TMEM178B: variants seen among roughly 807,000 people sequenced by gnomAD.
TMEM178B encodes the protein transmembrane protein 178B.
In TMEM178B, 5 loss-of-function variants were observed where a neutral mutation model predicts 31.0. That is an observed-to-expected ratio of 0.16 (90% CI 0.08 to 0.34). TMEM178B has a LOEUF of 0.34. TMEM178B is among the 10% of genes least tolerant of loss of function. The probability of loss-of-function intolerance (pLI) is 1.00; values close to 1 mark genes in which losing one functional copy is unlikely to be tolerated. For missense variants in TMEM178B, 275 were observed against 400.3 expected (o/e 0.69, Z 2.67); for synonymous variants, 164 against 164.0 (o/e 1.00, Z 0.00).
intron 1 of TMEM178B, among the ~76,000 whole-genome samples, chr7:141,169,406 T>C (rs1036483761): frequency 2.0e-5 from 3 of 152,266 alleles, no homozygotes; most frequent in Non-Finnish European, 2.9e-5. Flanking sequence ...TAGTATTCCA[T>C]GGTGCATATG....
chr7:141,278,411 G>A (rs1266452911), intron 2 of TMEM178B, among the ~76,000 whole-genome samples: 3 of 152,054 alleles, frequency 2.0e-5, no homozygotes, highest in African/African-American at 4.8e-5. Flanking sequence ...GTGAAACCCT[G>A]TCTCTACTAA....
At chr7:141,332,895 G>T (rs1454897760) in intron 2 of TMEM178B, among the ~76,000 whole-genome samples, 1 of 152,236 alleles carries the variant, frequency 6.6e-6, no homozygotes, top group Admixed American at 6.5e-5. Context: ...GTGCTTTGCT[G>T]TTCATTTCCT....
At chr7:141,368,008 G>A (rs958500675) in intron 2 of TMEM178B, among the ~76,000 whole-genome samples, 2 of 152,170 alleles carry the variant, frequency 1.3e-5, no homozygotes, top group African/African-American at 2.4e-5. Flanking sequence ...TTCTGGAAGA[G>A]CAGGCACATG....
intron 2 of TMEM178B, among the ~76,000 whole-genome samples, chr7:141,225,477 C>T (rs1270888841): frequency 6.6e-6 from 1 of 151,964 alleles, no homozygotes; most frequent in East Asian, 1.9e-4. Context: ...ACTTCATTGA[C>T]ATTATGAGTT....
At chr7:141,446,598 T>A (rs996364770) in intron 3 of TMEM178B, among the ~76,000 whole-genome samples, 3 of 152,154 alleles carry the variant, frequency 2.0e-5, no homozygotes, top group African/African-American at 7.2e-5. Context: ...CCTAGTTAAG[T>A]GGAATCACCC....
chr7:141,102,137 A>C (rs1273571570), intron 1 of TMEM178B, among the ~76,000 whole-genome samples: 1 of 152,134 alleles, frequency 6.6e-6, no homozygotes, highest in African/African-American at 2.4e-5. Flanking sequence ...TGCAATGCAG[A>C]GATTTTGTAA....
intron 2 of TMEM178B, among the ~76,000 whole-genome samples, chr7:141,341,512 C>T (rs567719588): frequency 2.0e-5 from 3 of 152,286 alleles, no homozygotes; most frequent in African/African-American, 7.2e-5. Flanking sequence ...TCTCTCATTT[C>T]TCTCTGAGAA....
intron 1 of TMEM178B, among the ~76,000 whole-genome samples, chr7:141,121,115 C>T (rs1040384539): frequency 3.9e-5 from 6 of 152,010 alleles, no homozygotes; most frequent in Non-Finnish European, 5.9e-5. Flanking sequence ...CTTAATATTA[C>T]TGTATCACTA....
chr7:141,155,445 A>G (rs980679462), intron 1 of TMEM178B, among the ~76,000 whole-genome samples: 4 of 152,166 alleles, frequency 2.6e-5, no homozygotes, highest in African/African-American at 9.7e-5. Flanking sequence ...CATGGTCTAA[A>G]TACACCCACC....
chr7:141,114,243 A>T (rs1795281191), intron 1 of TMEM178B, among the ~76,000 whole-genome samples: 1 of 152,230 alleles, frequency 6.6e-6, no homozygotes, highest in African/African-American at 2.4e-5. Flanking sequence ...TTGTACTCTG[A>T]TCATTGCTGG....
chr7:141,488,285 T>C, the TMEM178B span, among the ~76,000 whole-genome samples: 1 of 152,326 alleles, frequency 6.6e-6, no homozygotes, highest in Admixed American at 6.5e-5. Context: ...GAGGTCTGCC[T>C]TTTAATATAA....
rs531523019 is a variant in TMEM178B at position 141,310,621 on chromosome 7, T to C, written c.496+97917T>C. 1.3e-4 allele frequency among the ~76,000 whole-genome samples: 20 copies of C among 152,178 alleles called. No individual in the cohort carries two copies. In the South Asian group the frequency reaches 4.2e-3, roughly 32 times the overall value. ...GCCCTGGTGTGTGATGTTCCCTTCC[T>C]GGAACGGTGATTATTAAGAAGTTAA... On this transcript the variant is annotated intron_variant, in intron 2 of 3. Coordinates refer to ENST00000565468, the MANE Select transcript of TMEM178B (RefSeq NM_001195278.2).
At chr7:141,204,742 A>G (rs1796935108) in intron 1 of TMEM178B, among the ~76,000 whole-genome samples, 1 of 152,206 alleles carries the variant, frequency 6.6e-6, no homozygotes, top group Non-Finnish European at 1.5e-5. Context: ...AGGCCTTGAT[A>G]TCTATTTTTC....
In TMEM178B at chr7:141,422,047, TC is replaced by T. The variant is rs1452011643; in HGVS notation, c.497-15558del. ...ATATTTAGTTTACATCTTCTCCCTT[TC>T]CCAGCTCGGGCTTGACATTTTCTTA... On this transcript the variant is annotated intron_variant, in intron 2 of 3. Transcript: ENST00000565468. This position sits in a 1 kb window ranked among gnomAD's most constrained non-coding sequence, Gnocchi z 4.2. Among the ~76,000 whole-genome samples, 2 of 152,218 alleles carry T rather than the reference TC, an allele frequency of 1.3e-5. No individual in the cohort carries two copies. Among genetic ancestry groups the T allele is most frequent in the East Asian group, 1.9e-4 (1 of 5,196 alleles).
chr7:141,492,596 C>T, the TMEM178B span, among the ~76,000 whole-genome samples: 15 of 152,166 alleles, frequency 9.9e-5, no homozygotes, highest in African/African-American at 2.7e-4. Context: ...CCGCTAAAGG[C>T]GAGTTTCCGT....
At position 141,074,088 on chromosome 7, in the gene TMEM178B, G is replaced by A. The variant is rs970097991; in HGVS notation, c.-223G>A. On this transcript the variant is annotated 5_prime_UTR_variant, in exon 1 of 4. Coordinates refer to ENST00000565468, the MANE Select transcript of TMEM178B (RefSeq NM_001195278.2). The surrounding 1 kb of genome is among the most constrained non-coding windows in gnomAD (Gnocchi z 5.1). ...CACCTGCCTCAGAGGATGCCCAGGA[G>A]CCCGCGGGAGCCTCTCCGGATCAGA... The A allele has an allele frequency of 3.8e-6, 2 of 529,528 alleles. No individual in the cohort carries two copies. The highest frequency in any genetic ancestry group is 5.9e-6 in the Non-Finnish European group (2 of 341,288). 32.8% of individuals were successfully genotyped at this position (529,528 alleles called of 1,614,324 possible).
At chr7:141,096,597 C>A (rs894543787) in intron 1 of TMEM178B, among the ~76,000 whole-genome samples, 2 of 152,162 alleles carry the variant, frequency 1.3e-5, no homozygotes, top group East Asian at 3.9e-4. Context: ...TCCTAGAAGG[C>A]GGTGTAACCA....
chr7:141,220,144 C>T (rs1298964896), intron 2 of TMEM178B, among the ~76,000 whole-genome samples: 1 of 151,886 alleles, frequency 6.6e-6, no homozygotes, highest in Non-Finnish European at 1.5e-5. Flanking sequence ...CATAGTGAAA[C>T]TCGTCTTTAC....
intron 2 of TMEM178B, among the ~76,000 whole-genome samples, chr7:141,325,467 C>G (rs1455871012): frequency 6.6e-6 from 1 of 152,170 alleles, no homozygotes; most frequent in South Asian, 2.1e-4. Context: ...CCCACTGTCC[C>G]CCAGGGACCA....
Sources: gnomAD v4.1 joint callset for allele counts (sites outside exome capture counted in the v4.1 genomes callset) on GRCh38, gnomAD v4.1.1 for gene constraint, Gnocchi (gnomAD v3.1) non-coding constraint, MANE v1.5 for transcripts, NCBI Gene and HGNC (gene_info 2026-07-23, HGNC 2026-07-21) for gene names.